Variants in MAP3K13 observed in about 807,000 individuals in gnomAD.
The protein encoded by MAP3K13 is mitogen-activated protein kinase kinase kinase 13.
Under a neutral mutation model 104.0 loss-of-function variants are expected in MAP3K13, and 52 were observed. The observed-to-expected ratio is 0.50, with a 90% CI of 0.40 to 0.63. MAP3K13 has a LOEUF of 0.63. MAP3K13 is among the 20% of genes least tolerant of loss of function. The pLI is 0.00. For synonymous variants in MAP3K13, 394 were observed against 442.2 expected, an observed-to-expected ratio of 0.89 and a Z score of 1.37; for missense variants, 914 against 1,218.5, an observed-to-expected ratio of 0.75 and a Z score of 3.72.
At chr3:185,354,388 G>A (rs1237182899) in intron 2 of MAP3K13, among the ~76,000 whole-genome samples, 1 of 149,790 alleles carries the variant, frequency 6.7e-6, no homozygotes, top group Non-Finnish European at 1.5e-5. Context: ...GGGAGTGTAC[G>A]CATTGCCCCC....
intron 1 of MAP3K13, among the ~76,000 whole-genome samples, chr3:185,391,766 T>C (rs1186501969): frequency 6.6e-6 from 1 of 152,186 alleles, no homozygotes; most frequent in Non-Finnish European, 1.5e-5. Context: ...TTCCCTATCA[T>C]AAAGTAAAAC....
At chr3:185,293,114 CCTTTTT>C (rs879903965) in intron 2 of MAP3K13, 20 of 887,860 alleles carry the variant, frequency 2.3e-5, no homozygotes, top group Non-Finnish European at 2.6e-5. Context: ...TTTTCCTTTT[CCTTTTT>C]CTTTTTCTTT....
At chr3:185,476,254 G>A (rs1718118833) in intron 11 of MAP3K13, among the ~76,000 whole-genome samples, 1 of 150,776 alleles carries the variant, frequency 6.6e-6, no homozygotes, top group South Asian at 2.1e-4. Flanking sequence ...CTCCCACAGA[G>A]CAGCTCAACT....
At chr3:185,366,560 T>C (rs2108746261) in intron 1 of MAP3K13, among the ~76,000 whole-genome samples, 1 of 152,346 alleles carries the variant, frequency 6.6e-6, no homozygotes, top group East Asian at 1.9e-4. Flanking sequence ...ATCAGCAATG[T>C]ATGAGGGTCC....
intron 3 of MAP3K13, among the ~76,000 whole-genome samples, chr3:185,439,937 T>A (rs1372269940): frequency 6.6e-6 from 1 of 152,164 alleles, no homozygotes; most frequent in Non-Finnish European, 1.5e-5. Context: ...GTGTTATGTT[T>A]GCAGCCATCT....
chr3:185,339,465 C>A (rs1316990835), intron 2 of MAP3K13, among the ~76,000 whole-genome samples: 1 of 152,208 alleles, frequency 6.6e-6, no homozygotes, highest in African/African-American at 2.4e-5. Flanking sequence ...AATTTTTGGG[C>A]TCCACCCCAG....
chr3:185,348,924 C>CAAAT (rs1444379789), intron 2 of MAP3K13, among the ~76,000 whole-genome samples: 9 of 149,386 alleles, frequency 6.0e-5, no homozygotes, highest in African/African-American at 1.0e-4. Flanking sequence ...TCAAAACAAA[C>CAAAT]AAACAAATAA....
At chr3:185,378,101 A>C (rs1211419214) in intron 1 of MAP3K13, among the ~76,000 whole-genome samples, 1 of 152,142 alleles carries the variant, frequency 6.6e-6, no homozygotes, top group Non-Finnish European at 1.5e-5. Context: ...CTCACAGTGG[A>C]GGCAAGGAAT....
chr3:185,393,291 G>A lies in MAP3K13; in HGVS notation c.-86+29923G>A, dbSNP rs114786377. ...TATAAGAAAAATTCAAAGCATATAC[G>A]CAATCAGGAATGCGGAAATGCTGCA... On this transcript the variant is annotated intron_variant, in intron 1 of 13. Coordinates refer to ENST00000265026, the MANE Select transcript of MAP3K13 (RefSeq NM_004721.5). Among the ~76,000 whole-genome samples the A allele has an allele frequency of 2.8e-4, 43 of 152,220 alleles. No homozygotes were observed. The South Asian group carries it at 7.9e-3, about 28-fold the overall frequency.
At chr3:185,354,307 C>A (rs1723257634) in intron 2 of MAP3K13, among the ~76,000 whole-genome samples, 2 of 150,766 alleles carry the variant, frequency 1.3e-5, no homozygotes, top group African/African-American at 4.9e-5. Flanking sequence ...GAGAGCATCA[C>A]CCGGTAGCCT....
chr3:185,335,942 G>C (rs1361925556), intron 2 of MAP3K13, among the ~76,000 whole-genome samples: 1 of 152,014 alleles, frequency 6.6e-6, no homozygotes. Flanking sequence ...AGCTCCTATA[G>C]TCCTAGTTCC....
chr3:185,383,600 C>T (rs959626626), intron 1 of MAP3K13, among the ~76,000 whole-genome samples: 3 of 151,240 alleles, frequency 2.0e-5, no homozygotes, highest in Non-Finnish European at 4.4e-5. Flanking sequence ...TTCCACCTCA[C>T]TCTTGCTTCC....
In MAP3K13 at chr3:185,428,998, G is replaced by T. The variant is rs1439253147; in HGVS notation, c.417G>T (p.Arg139Ser). 5 of 1,614,166 alleles carry T rather than the reference G, an allele frequency of 3.1e-6. No homozygotes were observed. The highest frequency in any genetic ancestry group is 2.2e-5 in the East Asian group (1 of 44,884). ...GFLEGLFGCLRPVWNIIGKAY... is the reference protein window; with the variant it reads ...GFLEGLFGCLSPVWNIIGKAY... ...TTGAAGGACTATTTGGATGCTTAAG[G>T]CCTGTATGGAATATCATTGGGAAGG... is the stretch of plus-strand genomic sequence containing the variant. Residue 139 changes from arginine to serine, a missense_variant, in exon 2 of 14, where the codon AGG (arginine) becomes AGT (serine). Transcript: ENST00000265026.
Position 185,480,377 on chromosome 3 carries a change from G to A in MAP3K13, c.2647G>A (p.Glu883Lys), listed in dbSNP as rs1008870139. The A allele has an allele frequency of 1.9e-6, 3 of 1,614,116 alleles. No individual in the cohort carries two copies. The highest frequency in any genetic ancestry group is 2.5e-6 in the Non-Finnish European group (3 of 1,180,052). ...LADKLEDRLA[E>K]KLDDLLSQTP... is the part of the protein sequence containing the mutation. ...TGATAAACTTGAAGACCGCTTGGCAGAGAAGCTAGACGACCTGCTGTCCCA... is the reference window on the plus strand; with the variant it reads ...TGATAAACTTGAAGACCGCTTGGCAAAGAAGCTAGACGACCTGCTGTCCCA... Residue 883 changes from glutamate to lysine, a missense_variant, in exon 13 of 14, where the codon GAG becomes AAG. This residue lies in a region of MAP3K13 where 583 missense variants were observed against 737.4 expected (regional missense o/e 0.79). Transcript: ENST00000265026.
Position 185,457,675 on chromosome 3 carries a change from T to C in MAP3K13, c.1279-5875T>C, listed in dbSNP as rs140705886. 5.7e-3 allele frequency among the ~76,000 whole-genome samples: 870 copies of C among 152,300 alleles called. 5 individuals are homozygous for C. Among genetic ancestry groups the C allele is most frequent in the African/African-American group, 0.019 (777 of 41,558 alleles). ...CACAAACATTCAGACCATAGCAGCATTTTTTCATATTCACTTCTTCTTCTT... is the reference window on the plus strand; with the variant it reads ...CACAAACATTCAGACCATAGCAGCACTTTTTCATATTCACTTCTTCTTCTT... On this transcript the variant is annotated intron_variant, in intron 7 of 13. Coordinates refer to ENST00000265026, the MANE Select transcript of MAP3K13 (RefSeq NM_004721.5).
intron 2 of MAP3K13, among the ~76,000 whole-genome samples, chr3:185,320,058 T>C (rs969756413): frequency 9.9e-5 from 15 of 151,534 alleles, no homozygotes; most frequent in African/African-American, 3.4e-4. Flanking sequence ...GATGGAGTAA[T>C]GAAAACTATT....
At chr3:185,313,461 G>T (rs1293518709) in intron 2 of MAP3K13, among the ~76,000 whole-genome samples, 3 of 151,806 alleles carry the variant, frequency 2.0e-5, no homozygotes, top group African/African-American at 7.3e-5. Context: ...AGCAGAGACG[G>T]AGTTTCGCTG....
chr3:185,469,681 G>T (rs1220793799), intron 10 of MAP3K13, among the ~76,000 whole-genome samples: 1 of 152,184 alleles, frequency 6.6e-6, no homozygotes, highest in Non-Finnish European at 1.5e-5. Context: ...CTTATGAGCT[G>T]TGGCTGTTCA....
At position 185,480,456 on chromosome 3, in the gene MAP3K13, A is replaced by C; in HGVS notation, c.2726A>C (p.Lys909Thr). ...TCACACTCGGATGGGCTCTCTGACA[A>C]GGAGTGTGCCGTGCGCCGTGTGAAG... is the stretch of plus-strand genomic sequence containing the variant. ...ISSHSDGLSD[K>T]ECAVRRVKTQ... is the part of the protein sequence containing the mutation. Residue 909 changes from lysine (K) to threonine (T), a missense_variant, in exon 13 of 14, where the codon AAG becomes ACG. Transcript: ENST00000265026. 6.2e-7 allele frequency: 1 copy of C among 1,614,188 alleles called. No homozygotes were observed. Among genetic ancestry groups the C allele is most frequent in the Non-Finnish European group, 8.5e-7 (1 of 1,180,028 alleles).
Sources: gnomAD v4.1 joint callset for allele counts (sites outside exome capture counted in the v4.1 genomes callset) on GRCh38, gnomAD v4.1.1 for gene constraint, gnomAD v4.1.1 regional missense constraint, MANE v1.5 for transcripts, NCBI Gene and HGNC (gene_info 2026-07-23, HGNC 2026-07-21) for gene names.